The following CACFD1 variants were observed in gnomAD, a reference collection of about 807,000 sequenced individuals.
CACFD1 encodes calcium channel flower domain containing 1, also known as calcium channel flower homolog.
Under a neutral mutation model 21.3 loss-of-function variants are expected in CACFD1, and 26 were observed. The observed-to-expected ratio is 1.22, with a 90% CI of 0.89 to 1.69. The LOEUF is 1.69. Among genes scored for constraint, CACFD1 ranks in the 40% most tolerant of loss-of-function variants. The probability of loss-of-function intolerance (pLI) is 0.00; values close to 1 mark genes in which losing one functional copy is unlikely to be tolerated. For synonymous variants in CACFD1, 121 were observed against 106.6 expected (o/e 1.13, Z -0.83); for missense variants, 265 against 236.2 (o/e 1.12, Z -0.80).
In CACFD1 at chr9:133,463,534, T is replaced by C; in HGVS notation, c.173T>C (p.Ile58Thr). Residue 58 changes from isoleucine to threonine, a missense_variant, in exon 2 of 5, where the codon ATT becomes ACT. Coordinates refer to ENST00000316948, the MANE Select transcript of CACFD1 (RefSeq NM_017586.5). ...FNCITIHPLN[I>T]AAGVWMIMNA... ...TGCATCACCATCCACCCTCTGAACATTGCGGCCGGCGTGTGGATGATGTGA... is the reference window on the plus strand; with the variant it reads ...TGCATCACCATCCACCCTCTGAACACTGCGGCCGGCGTGTGGATGATGTGA... 1 of 1,614,084 alleles carries C rather than the reference T, an allele frequency of 6.2e-7. No homozygotes were observed. The highest frequency in any genetic ancestry group is 1.3e-5 in the African/African-American group (1 of 75,066).
At chr9:133,464,428 C>T (rs1324940863) in intron 2 of CACFD1, among the ~76,000 whole-genome samples, 4 of 152,240 alleles carry the variant, frequency 2.6e-5, no homozygotes, top group East Asian at 1.9e-4. Flanking sequence ...GCTGGCCCAG[C>T]ACAGAGTGAG....
intron 1 of CACFD1, 39 bp downstream of exon 1, chr9:133,460,226 G>T (rs1843084774): frequency 2.0e-6 from 3 of 1,492,376 alleles, no homozygotes; most frequent in African/African-American, 2.9e-5. Flanking sequence ...GCCCCGCCGC[G>T]CATGCGCTCC....
chr9:133,464,382 G>T (rs893248949), intron 2 of CACFD1, among the ~76,000 whole-genome samples: 1 of 152,210 alleles, frequency 6.6e-6, no homozygotes, highest in Non-Finnish European at 1.5e-5. Context: ...GCTTCAGGGG[G>T]TGGAGTCGGA....
At position 133,470,478 on chromosome 9, in the gene CACFD1, G is replaced by C. The variant is rs1554800994; in HGVS notation, c.*1825G>C. On this transcript the variant is annotated 3_prime_UTR_variant, in exon 5 of 5. Coordinates refer to ENST00000316948, the MANE Select transcript of CACFD1 (RefSeq NM_017586.5). ...CCTGTACCCTGTGGGGAAATGGTGGGTGCATGGCTGGATGCAGAGGTGGAA... is the reference window on the plus strand; with the variant it reads ...CCTGTACCCTGTGGGGAAATGGTGGCTGCATGGCTGGATGCAGAGGTGGAA... 6.6e-6 allele frequency: 1 copy of C among 152,452 alleles called. No individual in the cohort carries two copies. Among genetic ancestry groups the C allele is most frequent in the African/African-American group, 2.4e-5 (1 of 41,444 alleles). 9.4% of individuals were successfully genotyped at this position (152,452 alleles called of 1,614,324 possible). A position where few individuals can be genotyped will look rare whatever the true frequency, so the allele number is the denominator to read the frequency against.
chr9:133,463,563 AT>A lies in CACFD1; in HGVS notation c.194+9del. On this transcript the variant is annotated intron_variant, in intron 2 of 4. Transcript: ENST00000316948. ...GGCCGGCGTGTGGATGATGTGAGTA[AT>A]GCATGGCCGTCCCACCCCGGGGGTC... is the stretch of plus-strand genomic sequence containing the variant. 6.2e-7 allele frequency: 1 copy of A among 1,613,796 alleles called. No homozygotes were observed. Among genetic ancestry groups the A allele is most frequent in the Middle Eastern group, 1.6e-4 (1 of 6,062 alleles).
Position 133,464,976 on chromosome 9 carries a change from C to G in CACFD1, c.195-346C>G, listed in dbSNP as rs587749622. On this transcript the variant is annotated intron_variant, in intron 2 of 4. Coordinates refer to ENST00000316948, the MANE Select transcript of CACFD1 (RefSeq NM_017586.5). ...GCCAGTGCTCCATCTGTGGATGAAC[C>G]TGCCGCAGCGTTGTAGCAGTGCCAT... 1.3e-4 allele frequency: 28 copies of G among 221,424 alleles called. No individual in the cohort carries two copies. In the South Asian group the frequency reaches 2.0e-3, roughly 16 times the overall value. 13.7% of individuals were successfully genotyped at this position (221,424 alleles called of 1,614,324 possible). A position where few individuals can be genotyped will look rare whatever the true frequency, so the allele number is the denominator to read the frequency against.
rs1554798883 is a variant in CACFD1, at chr9:133,463,373, G to A, written c.122-110G>A. 7 of 1,581,702 alleles carry A rather than the reference G, an allele frequency of 4.4e-6. No homozygotes were observed. In the Admixed American group the frequency reaches 1.0e-4, roughly 23 times the overall value. On this transcript the variant is annotated intron_variant, in intron 1 of 4. Transcript: ENST00000316948. Reference sequence around the variant, plus strand: ...CTTCTGGGTGCTGTGAGAACTGTGTGCTGAGCATCCGCAGAGACTCTCGTC... The same window carrying A: ...CTTCTGGGTGCTGTGAGAACTGTGTACTGAGCATCCGCAGAGACTCTCGTC...
Position 133,460,004 on chromosome 9 carries a change from CT to C in CACFD1, c.-62del. 1 of 1,465,894 alleles carries C rather than the reference CT, an allele frequency of 6.8e-7. No homozygotes were observed. The highest frequency in any genetic ancestry group is 9.0e-7 in the Non-Finnish European group (1 of 1,110,646). The allele number at this position is 1,465,894 out of a possible 1,614,324, so 90.8% of individuals were successfully genotyped here. On this transcript the variant is annotated 5_prime_UTR_variant, in exon 1 of 5. Coordinates refer to ENST00000316948, the MANE Select transcript of CACFD1 (RefSeq NM_017586.5). ...CCTCTCCCACAAGGCAGCGCGCCGG[CT>C]CGGACGCGGCCGGCTACCGAGCCCT...
chr9:133,461,016 A>T (rs1843185037), intron 1 of CACFD1, among the ~76,000 whole-genome samples: 1 of 132,732 alleles, frequency 7.5e-6, no homozygotes, highest in Non-Finnish European at 1.6e-5. Flanking sequence ...CCTTCCAGGG[A>T]AAGACAAGTC....
At chr9:133,468,083 A>C in intron 4 of CACFD1, 55 bp downstream of exon 4, 3 of 1,435,778 alleles carry the variant, frequency 2.1e-6, no homozygotes, top group South Asian at 1.2e-5. Flanking sequence ...CGCCCCCCGA[A>C]GTCCTTCAGT....
chr9:133,463,100 T>TGG (rs966378603), intron 1 of CACFD1, among the ~76,000 whole-genome samples: 4 of 152,204 alleles, frequency 2.6e-5, no homozygotes, highest in Non-Finnish European at 5.9e-5. Flanking sequence ...GGCTGAGTCT[T>TGG]GGGGGAGCAC....
chr9:133,465,195 C>T lies in CACFD1; in HGVS notation c.195-127C>T. On this transcript the variant is annotated intron_variant, in intron 2 of 4. Transcript: ENST00000316948. The surrounding 1 kb of genome is among the most constrained non-coding windows in gnomAD (Gnocchi z 5.0). ...TGCCCTGGAGCAGCCGGGCGGCTTC[C>T]CAGAGGAGGAGGGATGAGGGCAGGA... 1.7e-6 allele frequency: 2 copies of T among 1,164,176 alleles called. No individual in the cohort carries two copies. The highest frequency in any genetic ancestry group is 2.5e-5 in the South Asian group (2 of 79,326). The allele number at this position is 1,164,176 out of a possible 1,614,324, so 72.1% of individuals were successfully genotyped here. A position where few individuals can be genotyped will look rare whatever the true frequency, so the allele number is the denominator to read the frequency against.
At position 133,460,144 on chromosome 9, in the gene CACFD1, G is replaced by A. The variant is rs867642509; in HGVS notation, c.78G>A (p.Trp26Ter). 1 of 1,560,220 alleles carries A rather than the reference G, an allele frequency of 6.4e-7. No individual in the cohort carries two copies. The highest frequency in any genetic ancestry group is 8.7e-7 in the Non-Finnish European group (1 of 1,152,194). ...CGCAGGAAGAGGGCATGACGTGGTGGTACCGCTGGCTGTGTCGCCTGTCTG... is the reference window on the plus strand; with the variant it reads ...CGCAGGAAGAGGGCATGACGTGGTGATACCGCTGGCTGTGTCGCCTGTCTG... ...PPAQEEGMTWWYRWLCRLSGV... is the reference protein window; with the variant it reads ...PPAQEEGMTW The change falls in exon 1 of 5, where the codon TGG becomes TGA. Residue 26 changes from tryptophan (W) to a stop codon, truncating the protein, a stop_gained. Transcript: ENST00000316948. LOFTEE classifies it high-confidence loss of function.
At chr9:133,468,248 G>A (rs1182250372) in intron 4 of CACFD1, 4 of 1,429,760 alleles carry the variant, frequency 2.8e-6, no homozygotes, top group East Asian at 2.5e-5. Flanking sequence ...ACGGCCTGCA[G>A]CAAGGATAGC....
chr9:133,460,520 C>T (rs587621971), intron 1 of CACFD1, among the ~76,000 whole-genome samples: 1 of 100,572 alleles, frequency 9.9e-6, no homozygotes, highest in African/African-American at 2.7e-5. Flanking sequence ...ACTGAGCCCT[C>T]CCCCCGCTCC....
chr9:133,465,166 C>A lies in CACFD1; in HGVS notation c.195-156C>A. 1 of 770,696 alleles carries A rather than the reference C, an allele frequency of 1.3e-6. No individual in the cohort carries two copies. The allele number at this position is 770,696 out of a possible 1,614,324, so 47.7% of individuals were successfully genotyped here. A position where few individuals can be genotyped will look rare whatever the true frequency, so the allele number is the denominator to read the frequency against. On this transcript the variant is annotated intron_variant, in intron 2 of 4. Coordinates refer to ENST00000316948, the MANE Select transcript of CACFD1 (RefSeq NM_017586.5). This position sits in a 1 kb window ranked among gnomAD's most constrained non-coding sequence, Gnocchi z 5.0. ...GCAGAGGCTCTCCGAGGGGTACGAG[C>A]AGGTGCCCTGGAGCAGCCGGGCGGC...
intron 1 of CACFD1, chr9:133,462,252 C>T (rs890283832): frequency 9.2e-6 from 12 of 1,304,110 alleles, no homozygotes; most frequent in South Asian, 2.5e-5. Context: ...GGCAGGGAGC[C>T]GTGTCACCCT....
chr9:133,468,768 T>C lies in CACFD1; in HGVS notation c.*115T>C. 1.4e-6 allele frequency: 2 copies of C among 1,430,392 alleles called. No individual in the cohort carries two copies. The allele number at this position is 1,430,392 out of a possible 1,614,324, so 88.6% of individuals were successfully genotyped here. The stretch of plus-strand genomic sequence containing the variant: ...GGAGAGGGGCCTTTGCACGTGTCCC[T>C]ACACCTGGAGTCCTCTGCTCCTTTC... On this transcript the variant is annotated 3_prime_UTR_variant, in exon 5 of 5. Transcript: ENST00000316948.
chr9:133,462,246 G>A, intron 1 of CACFD1: 2 of 1,304,262 alleles, frequency 1.5e-6, no homozygotes, highest in Non-Finnish European at 2.0e-6. Context: ...CAGAGAGGCA[G>A]GGAGCCGTGT....
Sources: allele counts gnomAD v4.1 joint callset (sites outside exome capture counted in the v4.1 genomes callset), GRCh38; gene constraint gnomAD v4.1.1; non-coding constraint Gnocchi (gnomAD v3.1); transcripts MANE v1.5; gene names NCBI Gene and HGNC (gene_info 2026-07-23, HGNC 2026-07-21).